ADGRL2: variants seen among roughly 807,000 people sequenced by gnomAD.
The protein encoded by ADGRL2 is calcium-independent alpha-latrotoxin receptor 2.
ADGRL2 carries 44 observed loss-of-function variants against 157.4 expected under a neutral mutation model. That is an observed-to-expected ratio of 0.28 (90% CI 0.22 to 0.36). The LOEUF (loss-of-function observed/expected upper bound fraction) is 0.36, where lower values mean the gene tolerates loss of function less well. Among genes scored for constraint, ADGRL2 ranks in the 10% least tolerant of loss-of-function variants. The pLI is 1.00. For synonymous variants in ADGRL2, 585 were observed against 624.7 expected, an observed-to-expected ratio of 0.94 and a Z score of 0.95; for missense variants, 1,510 against 1,768.9, an observed-to-expected ratio of 0.85 and a Z score of 2.63.
At chr1:81,632,698 G>T (rs574839607) in intron 3 of ADGRL2, among the ~76,000 whole-genome samples, 1 of 151,586 alleles carries the variant, frequency 6.6e-6, no homozygotes, top group Admixed American at 6.6e-5. Context: ...GGCGGAGCTC[G>T]CAGTGAGCCG....
rs375555101 is a variant in ADGRL2 at position 81,584,625 on chromosome 1, C to T, written c.-143+3645C>T. ...AGGGCTGTTTATATTTTTTGGCAAT[C>T]GCGCTTTTCTTTAAAAGTGATGCAC... On this transcript the variant is annotated intron_variant, in intron 3 of 24. Transcript: ENST00000370721. 3.3e-5 allele frequency among the ~76,000 whole-genome samples: 5 copies of T among 152,016 alleles called. No homozygotes were observed. In the East Asian group the frequency reaches 5.8e-4, roughly 18 times the overall value.
At chr1:81,595,913 T>G (rs2081222420) in intron 3 of ADGRL2, among the ~76,000 whole-genome samples, 1 of 152,108 alleles carries the variant, frequency 6.6e-6, no homozygotes, top group African/African-American at 2.4e-5. Flanking sequence ...ATTCAGCATC[T>G]GTTGAGGGCT....
chr1:81,582,181 C>T (rs1001606613), intron 3 of ADGRL2, among the ~76,000 whole-genome samples: 2 of 151,974 alleles, frequency 1.3e-5, no homozygotes, highest in Non-Finnish European at 2.9e-5. Context: ...GATCACGCCA[C>T]TACACTCCAG....
chr1:81,856,736 C>G (rs2150656845), intron 2 of ADGRL2, among the ~76,000 whole-genome samples: 1 of 151,712 alleles, frequency 6.6e-6, no homozygotes, highest in Middle Eastern at 3.4e-3. Flanking sequence ...CTGCCATTAA[C>G]AATATAATTA....
At chr1:81,837,126 G>A (rs1035434042) in intron 2 of ADGRL2, 69 bp downstream of exon 2, 1 of 728,904 alleles carries the variant, frequency 1.4e-6, no homozygotes, top group African/African-American at 1.9e-5. Context: ...TCTTAATATG[G>A]AAGTGCCTAG....
chr1:81,936,918 A>C (rs764810105), intron 4 of ADGRL2, 81 bp downstream of exon 4: 17 of 865,176 alleles, frequency 2.0e-5, no homozygotes, highest in Middle Eastern at 2.4e-4. Context: ...TGAAAGAAGC[A>C]TATGTTTATG....
At chr1:81,917,499 G>A (rs961523067) in intron 3 of ADGRL2, among the ~76,000 whole-genome samples, 4 of 151,714 alleles carry the variant, frequency 2.6e-5, no homozygotes, top group African/African-American at 9.7e-5. Flanking sequence ...GATGTTAGAA[G>A]GAAAAATCTC....
chr1:81,764,629 A>T (rs370004412), intron 2 of ADGRL2, among the ~76,000 whole-genome samples: 282 of 152,280 alleles, frequency 1.9e-3, no homozygotes, highest in African/African-American at 6.4e-3. Context: ...GGAGGAATGC[A>T]TTGAGGAGTT....
chr1:81,397,390 T>G (rs1367680985), intron 1 of ADGRL2, among the ~76,000 whole-genome samples: 1 of 141,384 alleles, frequency 7.1e-6, no homozygotes, highest in Non-Finnish European at 1.5e-5. Flanking sequence ...GTGCAATCTC[T>G]GCTCACTGCA....
At chr1:81,883,995 T>A in intron 2 of ADGRL2, among the ~76,000 whole-genome samples, 1 of 1,178 alleles carries the variant, frequency 8.5e-4, no homozygotes, top group Non-Finnish European at 1.6e-3. Flanking sequence ...TGAAATTGTC[T>A]TTTTTTTTTT....
intron 1 of ADGRL2, among the ~76,000 whole-genome samples, chr1:81,412,631 C>T (rs1273364407): frequency 6.6e-6 from 1 of 152,158 alleles, no homozygotes; most frequent in Admixed American, 6.5e-5. Context: ...AGTAATATTA[C>T]TTGTTATGTA....
At chr1:81,572,719 T>G (rs2080720480) in intron 2 of ADGRL2, among the ~76,000 whole-genome samples, 1 of 152,074 alleles carries the variant, frequency 6.6e-6, no homozygotes. Context: ...AGAAAAAAGT[T>G]TCCTGGCCAA....
At chr1:81,979,535 T>C (rs941067894) in intron 17 of ADGRL2, among the ~76,000 whole-genome samples, 2 of 151,822 alleles carry the variant, frequency 1.3e-5, no homozygotes, top group Non-Finnish European at 3.0e-5. Flanking sequence ...ATGTAAATGC[T>C]CCTTCTAAGG....
At chr1:81,654,026 A>G (rs189778782) in intron 3 of ADGRL2, among the ~76,000 whole-genome samples, 192 of 151,824 alleles carry the variant, frequency 1.3e-3, no homozygotes, top group African/African-American at 4.4e-3. Context: ...GCTCACTGCA[A>G]CCTCCATCCC....
In ADGRL2 at chr1:81,418,998, A is replaced by G. The variant is rs192079832; in HGVS notation, c.-301-26038A>G. ...GCTACAAAGTTGAAAGGGTTTTTCC[A>G]CAAATGATGAGGAGGCTAAGAATCC... On this transcript the variant is annotated intron_variant, in intron 1 of 24. Coordinates refer to the ADGRL2 transcript ENST00000370721. 4.1e-3 allele frequency among the ~76,000 whole-genome samples: 629 copies of G among 152,274 alleles called. 6 individuals are homozygous for G. The highest frequency in any genetic ancestry group is 7.2e-3 in the Non-Finnish European group (493 of 68,014).
chr1:81,721,893 A>C (rs2084336964), intron 1 of ADGRL2: 2 of 730,516 alleles, frequency 2.7e-6, no homozygotes, highest in South Asian at 2.7e-5. Context: ...GGTGGAGGAA[A>C]ACTTAAAGGC....
At position 81,510,174 on chromosome 1, in the gene ADGRL2, A is replaced by C. The variant is rs554093709; in HGVS notation, c.-248+65085A>C. ...CTAATGAACTAAATTAGACTGAACT[A>C]ACATTCATGTTAATAATTATTACTT... On this transcript the variant is annotated intron_variant, in intron 2 of 24. Coordinates refer to the ADGRL2 transcript ENST00000370721. 1.4e-3 allele frequency among the ~76,000 whole-genome samples: 218 copies of C among 152,322 alleles called. 1 individual carries two copies. Among genetic ancestry groups the C allele is most frequent in the African/African-American group, 4.7e-3 (195 of 41,574 alleles).
At chr1:81,888,322 G>T (rs2094175064) in intron 2 of ADGRL2, among the ~76,000 whole-genome samples, 1 of 152,214 alleles carries the variant, frequency 6.6e-6, no homozygotes, top group Non-Finnish European at 1.5e-5. Context: ...ACAGCTTTCA[G>T]TACCTTTGCA....
At chr1:81,479,896 T>C (rs2078350321) in intron 2 of ADGRL2, among the ~76,000 whole-genome samples, 1 of 152,218 alleles carries the variant, frequency 6.6e-6, no homozygotes, top group Non-Finnish European at 1.5e-5. Context: ...AAAATCACAC[T>C]TTTATTAGTA....
Sources: allele counts gnomAD v4.1 joint callset (sites outside exome capture counted in the v4.1 genomes callset), GRCh38; gene constraint gnomAD v4.1.1; transcripts MANE v1.5; gene names NCBI Gene and HGNC (gene_info 2026-07-23, HGNC 2026-07-21).